The following NDUFAF6 variants were observed in gnomAD, a reference collection of about 807,000 sequenced individuals.
The protein encoded by NDUFAF6 is NADH dehydrogenase (ubiquinone) complex I, assembly factor 6.
NDUFAF6 carries 45 observed loss-of-function variants against 40.8 expected under a neutral mutation model. The observed-to-expected ratio is 1.10, with a 90% CI of 0.87 to 1.42. The LOEUF is 1.42. Ranked by LOEUF, NDUFAF6 falls within the 40% of genes most tolerant of loss-of-function variation. The pLI is 0.00. For synonymous variants in NDUFAF6, 185 were observed against 155.9 expected, an observed-to-expected ratio of 1.19 and a Z score of -1.39; for missense variants, 435 against 418.5, an observed-to-expected ratio of 1.04 and a Z score of -0.34.
intron 7 of NDUFAF6, among the ~76,000 whole-genome samples, chr8:95,048,840 G>T (rs1831110978): frequency 6.6e-6 from 1 of 152,094 alleles, no homozygotes; most frequent in South Asian, 2.1e-4. Flanking sequence ...TTGGAAGACA[G>T]GGTGTCTTTC....
chr8:94,952,547 A>G (rs1822711753), intron 2 of NDUFAF6, among the ~76,000 whole-genome samples: 1 of 152,238 alleles, frequency 6.6e-6, no homozygotes, highest in South Asian at 2.1e-4. Context: ...CATTCCAGTG[A>G]CATCTATTGT....
In NDUFAF6 at chr8:95,049,832, C is replaced by T. The variant is rs142517834; in HGVS notation, c.816+1274C>T. On this transcript the variant is annotated intron_variant, in intron 7 of 8. Coordinates refer to ENST00000396124, the MANE Select transcript of NDUFAF6 (RefSeq NM_152416.4). ...ATTAAAAGTTTGCTTATTGCCTCCC[C>T]ACTTCATTGGAATGTAAGTTACTTT... is the stretch of plus-strand genomic sequence containing the variant. Among the ~76,000 whole-genome samples, 19 of 152,288 alleles carry T rather than the reference C, an allele frequency of 1.2e-4. No individual in the cohort carries two copies. The East Asian group carries it at 3.3e-3, about 26-fold the overall frequency.
At chr8:95,104,193 T>TTTAAATTCTAA (rs1447293282), downstream of NDUFAF6, among the ~76,000 whole-genome samples, 1 of 152,184 alleles carries the variant, frequency 6.6e-6, no homozygotes, top group Non-Finnish European at 1.5e-5. Context: ...TCTAATTCAT[T>TTTAAATTCTAA]ACCAACATTT....
At chr8:95,115,519 CT>C (rs544475473) in intron 4 of NDUFAF6, 166 of 143,956 alleles carry the variant, frequency 1.2e-3, no homozygotes, top group Middle Eastern at 3.5e-3. Flanking sequence ...CATTTCCCTT[CT>C]TTTTTTTTTT....
At chr8:95,072,008 C>G (rs567146768) in intron 9 of NDUFAF6, 1 of 152,344 alleles carries the variant, frequency 6.6e-6, no homozygotes, top group African/African-American at 2.4e-5. Context: ...TCTTTCAAGT[C>G]TTCTTTAACT....
At chr8:94,905,038 A>G (rs1027826623) in intron 1 of NDUFAF6, among the ~76,000 whole-genome samples, 3 of 152,090 alleles carry the variant, frequency 2.0e-5, no homozygotes, top group Admixed American at 6.5e-5. Flanking sequence ...TGTCTCTACT[A>G]AAAACATAAC....
intron 2 of NDUFAF6, among the ~76,000 whole-genome samples, chr8:95,000,365 C>A (rs950452122): frequency 2.0e-5 from 3 of 152,006 alleles, no homozygotes; most frequent in African/African-American, 7.2e-5. Context: ...TTTGGACATT[C>A]ACTCAGAAAT....
chr8:95,084,220 T>G (rs1808967392), intron 2 of NDUFAF6, among the ~76,000 whole-genome samples: 1 of 152,102 alleles, frequency 6.6e-6, no homozygotes, highest in African/African-American at 2.4e-5. Context: ...TTTTCTATTG[T>G]GAATGCAAAA....
intron 2 of NDUFAF6, among the ~76,000 whole-genome samples, chr8:95,005,583 ATTAT>A (rs1291889004): frequency 2.1e-5 from 3 of 140,816 alleles, no homozygotes; most frequent in African/African-American, 5.5e-5. Flanking sequence ...TAATATATTT[ATTAT>A]TTATTATTTT....
At position 94,966,298 on chromosome 8, in the gene NDUFAF6, G is replaced by A. The variant is rs74306616; in HGVS notation, c.-199+8119G>A. On this transcript the variant is annotated intron_variant, in intron 1 of 9. Transcript: ENST00000396111. The stretch of plus-strand genomic sequence containing the variant: ...AGGTTGATGTTAAACTATTATACAT[G>A]TAACAGGAAGGACGGCCAGGCATGA... Among the ~76,000 whole-genome samples, 457 of 152,276 alleles carry A rather than the reference G, an allele frequency of 3.0e-3. 3 individuals carry two copies. The East Asian group carries it at 0.036, about 12-fold the overall frequency.
intron 1 of NDUFAF6, chr8:94,940,105 C>T: frequency 6.2e-7 from 1 of 1,614,208 alleles, no homozygotes; most frequent in Non-Finnish European, 8.5e-7. Context: ...TTGTATCAGC[C>T]AAGCACTCAA....
intron 1 of NDUFAF6, among the ~76,000 whole-genome samples, chr8:94,909,778 T>TTA (rs1160852700): frequency 6.7e-6 from 1 of 149,586 alleles, no homozygotes; most frequent in Non-Finnish European, 1.5e-5. Flanking sequence ...TAAATAAAAA[T>TTA]TATATATGTG....
rs747420793 is a variant in NDUFAF6, at chr8:95,034,982, C to T, written c.298-472C>T. Among the ~76,000 whole-genome samples the T allele has an allele frequency of 6.1e-4, 92 of 151,828 alleles. 3 individuals are homozygous for T. The Middle Eastern group carries it at 0.014, about 23-fold the overall frequency. On this transcript the variant is annotated intron_variant, in intron 2 of 8. Coordinates refer to ENST00000396124, the MANE Select transcript of NDUFAF6 (RefSeq NM_152416.4). ...GCAACCTCTGCCTCTCAGGTTTAAG[C>T]GATTCTCCTGCCTCAGTCTCCTGAG...
At chr8:95,047,515 T>C (rs1374916983) in intron 6 of NDUFAF6, among the ~76,000 whole-genome samples, 17 of 148,644 alleles carry the variant, frequency 1.1e-4, no homozygotes, top group African/African-American at 3.4e-4. Context: ...TTTCTTTTTT[T>C]TTTTTTTTTT....
At chr8:95,062,541 G>C (rs947348185), downstream of NDUFAF6, among the ~76,000 whole-genome samples, 1 of 152,172 alleles carries the variant, frequency 6.6e-6, no homozygotes, top group Non-Finnish European at 1.5e-5. Context: ...CCAGGCATGA[G>C]CTATTATCTC....
At chr8:94,927,912 C>CAA (rs34997272) in intron 1 of NDUFAF6, 112,195 of 149,142 alleles carry the variant, frequency 0.75, 43,827 homozygotes, top group East Asian at 0.89. Context: ...TTTACAATAG[C>CAA]AAAAAAAAAA....
chr8:95,093,241 G>A (rs1051683728), intron 2 of NDUFAF6, among the ~76,000 whole-genome samples: 1 of 152,116 alleles, frequency 6.6e-6, no homozygotes, highest in African/African-American at 2.4e-5. Flanking sequence ...CTATGTCTTG[G>A]GTTCCTCATC....
At chr8:95,035,041 G>T (rs1427986693) in intron 2 of NDUFAF6, among the ~76,000 whole-genome samples, 1 of 151,888 alleles carries the variant, frequency 6.6e-6, no homozygotes, top group Non-Finnish European at 1.5e-5. Flanking sequence ...CACCACACCC[G>T]GCTAATTTTT....
Position 94,940,750 on chromosome 8 carries a change from G to T in NDUFAF6, c.-935-4733G>T, listed in dbSNP as rs1821451490. The T allele has an allele frequency of 1.0e-5, 11 of 1,063,820 alleles. No homozygotes were observed. The Admixed American group carries it at 1.3e-4, about 13-fold the overall frequency. 65.9% of individuals were successfully genotyped at this position (1,063,820 alleles called of 1,614,324 possible). A position where few individuals can be genotyped will look rare whatever the true frequency, so the allele number is the denominator to read the frequency against. On this transcript the variant is annotated intron_variant, in intron 1 of 14. Coordinates refer to the NDUFAF6 transcript ENST00000396113. ...AAGGCTGAAAACCCCTCAGTTATTG[G>T]TTTCCTTATGCAAAAACTGAGATGC...
Sources: gnomAD v4.1 joint callset for allele counts (sites outside exome capture counted in the v4.1 genomes callset) on GRCh38, gnomAD v4.1.1 for gene constraint, MANE v1.5 for transcripts, NCBI Gene and HGNC (gene_info 2026-07-23, HGNC 2026-07-21) for gene names.